Variants in EXT1 observed in about 807,000 individuals in gnomAD.
The protein encoded by EXT1 is exostosin glycosyltransferase 1.
Under a neutral mutation model 82.5 loss-of-function variants are expected in EXT1, and 20 were observed. The observed-to-expected ratio is 0.24, with a 90% CI of 0.17 to 0.35. EXT1 has a LOEUF of 0.35. Among genes scored for constraint, EXT1 ranks in the 10% least tolerant of loss-of-function variants. EXT1 has a pLI of 1.00. For synonymous variants in EXT1, 348 were observed against 350.8 expected (o/e 0.99, Z 0.09); for missense variants, 757 against 936.5 (o/e 0.81, Z 2.50).
intron 1 of EXT1, among the ~76,000 whole-genome samples, chr8:117,907,668 T>C (rs968902932): frequency 7.9e-4 from 121 of 152,338 alleles, no homozygotes; most frequent in African/African-American, 2.7e-3. Flanking sequence ...TGCCATATTA[T>C]ATATGAATTC....
chr8:117,929,822 G>C (rs568579594), intron 1 of EXT1, among the ~76,000 whole-genome samples: 13 of 152,162 alleles, frequency 8.5e-5, no homozygotes, highest in Non-Finnish European at 7.3e-5. Context: ...AAAAGTGTAA[G>C]AGCAGCCAGG....
chr8:117,886,557 C>A (rs1563591198), intron 1 of EXT1, among the ~76,000 whole-genome samples: 1 of 152,194 alleles, frequency 6.6e-6, no homozygotes, highest in African/African-American at 2.4e-5. Flanking sequence ...CACTACTCAA[C>A]TTATGTGACG....
intron 1 of EXT1, among the ~76,000 whole-genome samples, chr8:118,037,830 T>C (rs1393759915): frequency 6.9e-6 from 1 of 145,464 alleles, no homozygotes; most frequent in East Asian, 1.9e-4. Flanking sequence ...AACAAGAGTG[T>C]TTTTTGTTTT....
intron 1 of EXT1, among the ~76,000 whole-genome samples, chr8:118,007,139 T>A (rs1409256027): frequency 6.6e-6 from 1 of 151,766 alleles, no homozygotes; most frequent in Non-Finnish European, 1.5e-5. Flanking sequence ...CTACTAAAAA[T>A]ACAAAAAATT....
chr8:117,899,550 T>A (rs903010232), intron 1 of EXT1, among the ~76,000 whole-genome samples: 3 of 152,210 alleles, frequency 2.0e-5, no homozygotes, highest in Non-Finnish European at 2.9e-5. Context: ...TCAGCTTCTC[T>A]TAAAAGCTGC....
At chr8:117,968,004 T>C (rs1169683891) in intron 1 of EXT1, among the ~76,000 whole-genome samples, 6 of 152,272 alleles carry the variant, frequency 3.9e-5, no homozygotes, top group Non-Finnish European at 5.9e-5. Flanking sequence ...CCATGCAAGA[T>C]GATAGACATG....
chr8:117,851,173 A>T (rs17430357), intron 1 of EXT1, among the ~76,000 whole-genome samples: 23,100 of 152,158 alleles, frequency 0.15, 2,107 homozygotes, highest in East Asian at 0.38. Context: ...GGAAGGCACC[A>T]CAAAGATCAT....
intron 1 of EXT1, among the ~76,000 whole-genome samples, chr8:117,881,166 A>AT (rs1813053218): frequency 1.3e-5 from 2 of 152,106 alleles, no homozygotes; most frequent in South Asian, 2.1e-4. Context: ...ATAAATCAAG[A>AT]TTTTTTAAAA....
At chr8:117,945,942 G>A (rs1814378790) in intron 1 of EXT1, among the ~76,000 whole-genome samples, 1 of 152,128 alleles carries the variant, frequency 6.6e-6, no homozygotes, top group Non-Finnish European at 1.5e-5. Context: ...TGCTCCTTTT[G>A]CCCAGGCTGG....
At chr8:117,979,355 A>AAAAC (rs140991885) in intron 1 of EXT1, among the ~76,000 whole-genome samples, 8 of 117,660 alleles carry the variant, frequency 6.8e-5, no homozygotes, top group South Asian at 5.9e-4. Flanking sequence ...CTCTGTCTCA[A>AAAAC]AAACAAACAA....
intron 1 of EXT1, among the ~76,000 whole-genome samples, chr8:117,915,035 T>TG (rs1220313288): frequency 5.3e-5 from 8 of 152,302 alleles, no homozygotes; most frequent in Non-Finnish European, 2.9e-5. Context: ...AAAAACTTGC[T>TG]GGTTTGAGGC....
rs1823102544 is a variant in EXT1, at chr8:117,797,427, C to G, written c.*2285G>C. On this transcript the variant is annotated 3_prime_UTR_variant, in exon 11 of 11. Coordinates refer to ENST00000378204, the MANE Select transcript of EXT1 (RefSeq NM_000127.3). ...ATGTGTTGTGAGCTTGGTGACAGGTCAATCTGGCAAAGCAGGTCCTTGAAT... is the reference window on the plus strand; with the variant it reads ...ATGTGTTGTGAGCTTGGTGACAGGTGAATCTGGCAAAGCAGGTCCTTGAAT... 6.6e-6 allele frequency: 1 copy of G among 152,162 alleles called. No homozygotes were observed. The highest frequency in any genetic ancestry group is 1.5e-5 in the Non-Finnish European group (1 of 68,026). The allele number at this position is 152,162 out of a possible 1,614,324, so 9.4% of individuals were successfully genotyped here.
intron 1 of EXT1, among the ~76,000 whole-genome samples, chr8:118,089,670 C>T (rs767697903): frequency 4.6e-5 from 7 of 152,092 alleles, no homozygotes; most frequent in African/African-American, 1.7e-4. Context: ...TTAACACATT[C>T]GCCAGATTAT....
intron 1 of EXT1, among the ~76,000 whole-genome samples, chr8:117,937,342 G>A (rs1027878904): frequency 6.6e-6 from 1 of 152,178 alleles, no homozygotes; most frequent in South Asian, 2.1e-4. Context: ...TAATATAATC[G>A]AGGACACAAT....
chr8:117,883,491 A>G (rs1009698051), intron 1 of EXT1, among the ~76,000 whole-genome samples: 2 of 152,236 alleles, frequency 1.3e-5, no homozygotes, highest in Non-Finnish European at 2.9e-5. Context: ...GCTCATCAAA[A>G]TCATCACAGC....
chr8:118,044,466 G>A (rs1026997935), intron 1 of EXT1, among the ~76,000 whole-genome samples: 17 of 151,656 alleles, frequency 1.1e-4, no homozygotes, highest in Admixed American at 7.9e-4. Flanking sequence ...GGAGTGCAAT[G>A]GCACGATCAT....
chr8:117,845,633 G>A (rs1021506452), intron 1 of EXT1, among the ~76,000 whole-genome samples: 18 of 151,792 alleles, frequency 1.2e-4, no homozygotes, highest in Non-Finnish European at 2.5e-4. Context: ...ATTTTTTATA[G>A]AGACGAGTCT....
intron 7 of EXT1, 106 bp downstream of exon 7, chr8:117,818,329 T>C (rs576770643): frequency 2.0e-5 from 18 of 890,522 alleles, no homozygotes; most frequent in Middle Eastern, 2.9e-4. Context: ...TTAGAAAAAA[T>C]AATCCAGGAA....
intron 1 of EXT1, among the ~76,000 whole-genome samples, chr8:117,957,994 CAG>C (rs1406738542): frequency 1.3e-5 from 2 of 152,114 alleles, no homozygotes; most frequent in African/African-American, 4.8e-5. Context: ...ATTCTTAAAA[CAG>C]AGTTAATGAG....
Sources: allele counts gnomAD v4.1 joint callset (sites outside exome capture counted in the v4.1 genomes callset), GRCh38; gene constraint gnomAD v4.1.1; transcripts MANE v1.5; gene names NCBI Gene and HGNC (gene_info 2026-07-23, HGNC 2026-07-21).